The following CALN1 variants were observed in gnomAD, a reference collection of about 807,000 sequenced individuals.
CALN1 encodes the protein calneuron 1, also known as calcium-binding protein 8.
Under a neutral mutation model 30.6 loss-of-function variants are expected in CALN1, and 17 were observed. The ratio of observed to expected loss-of-function variants is 0.56; its 90% CI spans 0.38 to 0.83. CALN1 has a LOEUF of 0.83. CALN1 is among the 40% of genes least tolerant of loss of function. The pLI, the probability that CALN1 is intolerant of heterozygous loss-of-function variation, is 0.00. For synonymous variants in CALN1, 156 were observed against 131.4 expected (o/e 1.19, Z -1.28); for missense variants, 291 against 354.9 (o/e 0.82, Z 1.45).
Position 72,218,153 on chromosome 7 carries a change from T to A in CALN1, c.244+60533A>T, listed in dbSNP as rs530108223. Among the ~76,000 whole-genome samples the A allele has an allele frequency of 2.0e-3, 299 of 151,826 alleles. 1 individual carries two copies. The highest frequency in any genetic ancestry group is 3.5e-3 in the Non-Finnish European group (236 of 67,924). Reference sequence around the variant, plus strand: ...CACCCCGCTCCGCCAAAATTTTTTTTAAATAACTGTGCAGGCCAGGCGCAG... The same window carrying A: ...CACCCCGCTCCGCCAAAATTTTTTTAAAATAACTGTGCAGGCCAGGCGCAG... On this transcript the variant is annotated intron_variant, in intron 3 of 6. Transcript: ENST00000395275.
chr7:72,483,554 G>A, the CALN1 span, among the ~76,000 whole-genome samples: 2 of 151,988 alleles, frequency 1.3e-5, no homozygotes, highest in Admixed American at 6.5e-5. Context: ...CCAAGTGCTG[G>A]GATTACAGGC....
intron 5 of CALN1, among the ~76,000 whole-genome samples, chr7:71,883,504 G>A (rs529839462): frequency 1.3e-5 from 2 of 152,232 alleles, no homozygotes; most frequent in Admixed American, 1.3e-4. Flanking sequence ...AACATAATGA[G>A]CAGGAAGTAA....
chr7:72,215,563 T>C (rs1271411229), intron 3 of CALN1, among the ~76,000 whole-genome samples: 2 of 128,458 alleles, frequency 1.6e-5, no homozygotes, highest in East Asian at 4.6e-4. Flanking sequence ...CACTGCACTC[T>C]AGCTGGGTGA....
chr7:72,017,170 TAAAAAAA>T (rs58672373), intron 5 of CALN1, among the ~76,000 whole-genome samples: 1 of 88,120 alleles, frequency 1.1e-5, no homozygotes, highest in African/African-American at 3.6e-5. Context: ...TCTCAAAAAT[TAAAAAAA>T]AAAAAAAAAA....
At chr7:72,018,635 G>C in intron 5 of CALN1, among the ~76,000 whole-genome samples, 1 of 152,070 alleles carries the variant, frequency 6.6e-6, no homozygotes, top group South Asian at 2.1e-4. Context: ...CATCCTCCCC[G>C]GAAAGGAAGC....
chr7:71,924,079 G>A (rs769727569), intron 5 of CALN1, among the ~76,000 whole-genome samples: 1 of 151,748 alleles, frequency 6.6e-6, no homozygotes, highest in Non-Finnish European at 1.5e-5. Flanking sequence ...TGTAATCCCA[G>A]CTACTCGCGG....
At chr7:72,203,978 T>A (rs1791626477) in intron 3 of CALN1, among the ~76,000 whole-genome samples, 1 of 102,882 alleles carries the variant, frequency 9.7e-6, no homozygotes, top group African/African-American at 4.7e-5. Flanking sequence ...GAGGCCTCTC[T>A]CTTTTTTTTT....
At chr7:72,185,178 C>A (rs1790091493) in intron 3 of CALN1, among the ~76,000 whole-genome samples, 1 of 151,860 alleles carries the variant, frequency 6.6e-6, no homozygotes, top group Non-Finnish European at 1.5e-5. Flanking sequence ...TTCCTCTGGG[C>A]CAATCAGCTC....
Position 72,409,541 on chromosome 7 carries a change from AACC to A in CALN1, c.-74+2514_-74+2516del, listed in dbSNP as rs769696155. 8.0e-5 allele frequency among the ~76,000 whole-genome samples: 12 copies of A among 149,924 alleles called. No individual in the cohort carries two copies. In the East Asian group the frequency reaches 8.5e-4, roughly 11 times the overall value. On this transcript the variant is annotated intron_variant, in intron 1 of 6. Coordinates refer to ENST00000395275, the MANE Select transcript of CALN1 (RefSeq NM_031468.4). Reference sequence around the variant, plus strand: ...TATTTCAGCGTCTGTGGCCTTCAGCAACCAATCTGGTGCATGGGTTACAAGCAG... The same window carrying A: ...TATTTCAGCGTCTGTGGCCTTCAGCAAATCTGGTGCATGGGTTACAAGCAG...
the CALN1 span, among the ~76,000 whole-genome samples, chr7:72,491,360 G>A: frequency 1.3e-5 from 2 of 152,090 alleles, no homozygotes; most frequent in African/African-American, 2.4e-5. Flanking sequence ...GTTGAGGCCA[G>A]GCCTTCAAGA....
intron 3 of CALN1, among the ~76,000 whole-genome samples, chr7:72,111,947 C>T (rs1807607405): frequency 6.6e-6 from 1 of 152,048 alleles, no homozygotes; most frequent in African/African-American, 2.4e-5. Context: ...GACGGTGTTT[C>T]ACTATGTCAG....
At chr7:72,336,360 C>T (rs997006845) in intron 2 of CALN1, among the ~76,000 whole-genome samples, 2 of 152,122 alleles carry the variant, frequency 1.3e-5, no homozygotes, top group East Asian at 1.9e-4. Context: ...TGGCCACTGG[C>T]GCCTGGGGGC....
At chr7:72,222,707 C>T (rs1345850641) in intron 3 of CALN1, among the ~76,000 whole-genome samples, 1 of 152,068 alleles carries the variant, frequency 6.6e-6, no homozygotes, top group Non-Finnish European at 1.5e-5. Context: ...ACCCCCGTGG[C>T]CAGAAATCAC....
chr7:72,488,014 T>C, the CALN1 span, among the ~76,000 whole-genome samples: 1 of 149,914 alleles, frequency 6.7e-6, no homozygotes, highest in South Asian at 2.1e-4. Flanking sequence ...GGGTGCTTCA[T>C]GAGCAGTTTT....
intron 3 of CALN1, among the ~76,000 whole-genome samples, chr7:72,267,215 C>T (rs960470093): frequency 3.3e-5 from 5 of 152,100 alleles, no homozygotes; most frequent in African/African-American, 4.8e-5. Context: ...TGAAATCAAC[C>T]GGCAAAAACG....
At chr7:71,861,178 GGT>G (rs61036159) in intron 5 of CALN1, among the ~76,000 whole-genome samples, 52,678 of 151,272 alleles carry the variant, frequency 0.35, 9,729 homozygotes, top group East Asian at 0.56. Flanking sequence ...TGTGGTGTGG[GGT>G]GTGTGTGTGT....
At chr7:72,412,350 C>T (rs1209766296), upstream of CALN1, 15 of 152,166 alleles carry the variant, frequency 9.9e-5, no homozygotes, top group Non-Finnish European at 2.1e-4. Context: ...CCAGCGGGCT[C>T]GGGGAGCCAG....
chr7:71,810,008 T>C (rs1787855135), intron 6 of CALN1, among the ~76,000 whole-genome samples: 1 of 151,990 alleles, frequency 6.6e-6, no homozygotes, highest in Non-Finnish European at 1.5e-5. Flanking sequence ...AATAGGCTCT[T>C]TGCACCGCCC....
chr7:72,142,159 C>T (rs1028278945), intron 3 of CALN1, among the ~76,000 whole-genome samples: 72 of 152,122 alleles, frequency 4.7e-4, no homozygotes, highest in Admixed American at 4.6e-3. Flanking sequence ...AAGCATGAGC[C>T]GAAGCAGGGT....
Sources: allele counts gnomAD v4.1 joint callset (sites outside exome capture counted in the v4.1 genomes callset), GRCh38; gene constraint gnomAD v4.1.1; transcripts MANE v1.5; gene names NCBI Gene and HGNC (gene_info 2026-07-23, HGNC 2026-07-21).